SCN9A: variants seen among roughly 807,000 people sequenced by gnomAD.
SCN9A encodes the protein sodium channel protein type 9 subunit alpha.
A neutral mutation model predicts 187.0 loss-of-function variants in SCN9A; 131 were observed. The observed-to-expected ratio is 0.70, with a 90% CI of 0.61 to 0.81. The LOEUF (loss-of-function observed/expected upper bound fraction) is 0.81. Ranked by LOEUF, SCN9A falls within the 30% of genes least tolerant of loss-of-function variation. The probability of loss-of-function intolerance (pLI) is 0.00; values close to 1 mark genes in which losing one functional copy is unlikely to be tolerated. For synonymous variants in SCN9A, 809 were observed against 808.6 expected, an observed-to-expected ratio of 1.00 and a Z score of -0.01; for missense variants, 2,252 against 2,396.6, an observed-to-expected ratio of 0.94 and a Z score of 1.26.
chr2:166,275,612 C>G (rs1041214466), intron 16 of SCN9A, among the ~76,000 whole-genome samples: 7 of 151,666 alleles, frequency 4.6e-5, no homozygotes, highest in African/African-American at 1.7e-4. Context: ...CAAGCAAATC[C>G]TGCTATAGGA....
At chr2:166,268,993 G>T (rs1374365269) in intron 17 of SCN9A, among the ~76,000 whole-genome samples, 2 of 151,706 alleles carry the variant, frequency 1.3e-5, no homozygotes, top group East Asian at 3.9e-4. Flanking sequence ...AAAAATACTA[G>T]CTTGTGTATC....
At chr2:166,212,706 A>C (rs1694151613) in intron 24 of SCN9A, among the ~76,000 whole-genome samples, 1 of 152,200 alleles carries the variant, frequency 6.6e-6, no homozygotes, top group African/African-American at 2.4e-5. Flanking sequence ...TGCGCACAGA[A>C]TATTCTCAGG....
chr2:166,307,720 G>A (rs1400007536), intron 2 of SCN9A, among the ~76,000 whole-genome samples: 1 of 152,030 alleles, frequency 6.6e-6, no homozygotes, highest in African/African-American at 2.4e-5. Context: ...ATGAATAGAA[G>A]CAAACATTCT....
intron 17 of SCN9A, among the ~76,000 whole-genome samples, chr2:166,257,550 A>G (rs1361763266): frequency 6.6e-6 from 1 of 151,612 alleles, no homozygotes; most frequent in Non-Finnish European, 1.5e-5. Context: ...TTATGTAGGC[A>G]GCTTTTGCTA....
In SCN9A at chr2:166,284,641, C is replaced by T; in HGVS notation, c.1786G>A (p.Glu596Lys). 6.2e-7 allele frequency: 1 copy of T among 1,613,966 alleles called. No homozygotes were observed. The highest frequency in any genetic ancestry group is 8.5e-7 in the Non-Finnish European group (1 of 1,179,870). ...TGGCTGATGTTACTGCTGCGTCGCT[C>T]CTGGGGTCTGTGGGGCACAAACAGT... ...GSLFVPHRPQ[E>K]RRSSNISQAS... Residue 596 changes from glutamate to lysine, a missense_variant, in exon 12 of 27, where the codon GAG becomes AAG. Around this residue, in one of 7 missense-constraint regions of SCN9A, gnomAD observed 1,013 missense variants for 997.4 expected, o/e 1.02. Transcript: ENST00000642356.
intron 22 of SCN9A, 146 bp from the exon 23 acceptor site, chr2:166,227,869 G>T: frequency 1.6e-6 from 1 of 609,548 alleles, no homozygotes; most frequent in Non-Finnish European, 2.9e-6. Context: ...TTAATGTAAA[G>T]ATTTTTTTAA....
chr2:166,288,721 A>G (rs923359738), intron 9 of SCN9A, 78 bp from the exon 10 acceptor site: 1 of 1,055,106 alleles, frequency 9.5e-7, no homozygotes, highest in Non-Finnish European at 1.3e-6. Flanking sequence ...AGGCATGAGC[A>G]AATCTGACAG....
intron 1 of SCN9A, among the ~76,000 whole-genome samples, chr2:166,370,248 A>C (rs1700523226): frequency 6.7e-6 from 1 of 149,752 alleles, no homozygotes; most frequent in Admixed American, 6.7e-5. Flanking sequence ...CATCATCATC[A>C]TCATTAGATA....
rs1440926991 is a variant in SCN9A at position 166,364,131 on chromosome 2, C to T, written c.-51+11566G>A. Among the ~76,000 whole-genome samples, 3 of 151,076 alleles carry T rather than the reference C, an allele frequency of 2.0e-5. No homozygotes were observed. The South Asian group carries it at 6.2e-4, about 31-fold the overall frequency. ...GCAAATCAAAACCACAATAAAATAT[C>T]ACTTCACACTTGGTCGGATGGTTAT... On this transcript the variant is annotated intron_variant, in intron 1 of 26. Coordinates refer to ENST00000642356, the MANE Select transcript of SCN9A (RefSeq NM_001365536.1).
Position 166,199,358 on chromosome 2 carries a change from C to T in SCN9A, c.5281G>A (p.Glu1761Lys). ...TCTTCAGTGGCAACACTAAAATTCT[C>T]CAGTATGACTGCAATGTACATGTTC... ...VVNMYIAVIL[E>K]NFSVATEEST... The change falls in exon 27 of 27, where the codon GAG becomes AAG. Residue 1761 changes from glutamate to lysine, a missense_variant. Physicochemically the swap from Glu to Lys is moderately conservative, Grantham distance 56. Around this residue, in one of 7 missense-constraint regions of SCN9A, gnomAD observed 345 missense variants for 344.6 expected, o/e 1.00. Transcript: ENST00000642356. 6.2e-7 allele frequency: 1 copy of T among 1,614,156 alleles called. No homozygotes were observed. The highest frequency in any genetic ancestry group is 2.2e-5 in the East Asian group (1 of 44,874).
chr2:166,225,511 C>A (rs534105467), intron 24 of SCN9A, among the ~76,000 whole-genome samples: 1 of 152,210 alleles, frequency 6.6e-6, no homozygotes, highest in East Asian at 1.9e-4. Flanking sequence ...CGATATATGA[C>A]CTTGGGTAAG....
chr2:166,213,244 GA>G (rs1694172579), intron 24 of SCN9A, among the ~76,000 whole-genome samples: 1 of 151,080 alleles, frequency 6.6e-6, no homozygotes, highest in Non-Finnish European at 1.5e-5. Context: ...GCATAACTAA[GA>G]AAAAAGATAG....
intron 16 of SCN9A, among the ~76,000 whole-genome samples, chr2:166,274,193 T>C (rs967833641): frequency 3.9e-5 from 6 of 152,162 alleles, no homozygotes; most frequent in African/African-American, 4.8e-5. Flanking sequence ...CTCACTTCGT[T>C]GAGAACAGCT....
chr2:166,338,318 A>G (rs1023247350), intron 1 of SCN9A, among the ~76,000 whole-genome samples: 3 of 151,822 alleles, frequency 2.0e-5, no homozygotes, highest in Admixed American at 6.6e-5. Flanking sequence ...GAAAGATGAC[A>G]CCCTCGGCAT....
intron 20 of SCN9A, among the ~76,000 whole-genome samples, chr2:166,234,032 C>G (rs79244733): frequency 0.021 from 3,142 of 152,182 alleles, 120 homozygotes; most frequent in African/African-American, 0.072. Context: ...AGAAAAATCA[C>G]AATTGTACTG....
intron 14 of SCN9A, among the ~76,000 whole-genome samples, chr2:166,278,949 A>G (rs1697358250): frequency 6.6e-6 from 1 of 152,180 alleles, no homozygotes; most frequent in South Asian, 2.1e-4. Context: ...GACTCAAGGA[A>G]TCTGACCAAA....
At chr2:166,297,240 A>G in intron 7 of SCN9A, among the ~76,000 whole-genome samples, 1 of 147,890 alleles carries the variant, frequency 6.8e-6, no homozygotes. Context: ...ACCATGACTC[A>G]GTAATCCCAC....
At chr2:166,273,816 G>A (rs779720034) in intron 16 of SCN9A, among the ~76,000 whole-genome samples, 31 of 151,896 alleles carry the variant, frequency 2.0e-4, no homozygotes, top group Middle Eastern at 3.2e-3. Context: ...TTTAAAAATC[G>A]AAGTAAGACC....
intron 20 of SCN9A, among the ~76,000 whole-genome samples, chr2:166,236,660 T>A (rs1364842238): frequency 1.3e-5 from 2 of 152,136 alleles, no homozygotes; most frequent in African/African-American, 2.4e-5. Context: ...TGACCTCAGG[T>A]GATCCACCTG....
Sources: gnomAD v4.1 joint callset for allele counts (sites outside exome capture counted in the v4.1 genomes callset) on GRCh38, gnomAD v4.1.1 for gene constraint, gnomAD v4.1.1 regional missense constraint, MANE v1.5 for transcripts, NCBI Gene and HGNC (gene_info 2026-07-23, HGNC 2026-07-21) for gene names.